PLEKHG3: variants seen among roughly 807,000 people sequenced by gnomAD.
PLEKHG3 encodes pleckstrin homology and RhoGEF domain containing G3.
Under a neutral mutation model 94.9 loss-of-function variants are expected in PLEKHG3, and 62 were observed. The observed-to-expected ratio is 0.65, with a 90% CI of 0.53 to 0.81. The LOEUF is 0.81. Ranked by LOEUF, PLEKHG3 falls within the 30% of genes least tolerant of loss-of-function variation. The pLI is 0.00. For synonymous variants in PLEKHG3, 614 were observed against 654.0 expected (o/e 0.94, Z 0.93); for missense variants, 1,461 against 1,619.3 (o/e 0.90, Z 1.68).
In PLEKHG3 at chr14:64,741,900, G is replaced by C; in HGVS notation, c.2383G>C (p.Ala795Pro). The stretch of plus-strand genomic sequence containing the variant: ...GTTTGAGCTCCCAGGACCAAGCCAG[G>C]CAGTCAAAGGGGACCCACCTCCCAT... Reference protein sequence around the residue: ...ALFELPGPSQAVKGDPPPISD... With the variant: ...ALFELPGPSQPVKGDPPPISD... Residue 795 changes from alanine (A) to proline (P), a missense_variant, in exon 16 of 17, where the codon GCA (alanine) becomes CCA (proline). Ala to Pro is a conservative substitution (Grantham distance 27). This residue lies in a region of PLEKHG3 where 1,201 missense variants were observed against 1,295.5 expected (regional missense o/e 0.93). Coordinates refer to ENST00000247226, the MANE Select transcript of PLEKHG3 (RefSeq NM_001308147.2). 6.2e-7 allele frequency: 1 copy of C among 1,602,284 alleles called. No homozygotes were observed. Among genetic ancestry groups the C allele is most frequent in the Non-Finnish European group, 8.5e-7 (1 of 1,175,030 alleles).
At chr14:64,735,933 T>C (rs1390561504) in intron 12 of PLEKHG3, among the ~76,000 whole-genome samples, 1 of 152,288 alleles carries the variant, frequency 6.6e-6, no homozygotes, top group Non-Finnish European at 1.5e-5. Flanking sequence ...CTTTTCACTT[T>C]AAAAACAATT....
chr14:64,747,988 T>G lies in PLEKHG3; in HGVS notation c.*4285T>G, dbSNP rs1266239499. ...TTCCTGGGGACGTTGGTTGCAGAGCTTCTGGTGCTCAGGGCTGGAGGGTGG... is the reference window on the plus strand; with the variant it reads ...TTCCTGGGGACGTTGGTTGCAGAGCGTCTGGTGCTCAGGGCTGGAGGGTGG... On this transcript the variant is annotated 3_prime_UTR_variant, in exon 17 of 17. Transcript: ENST00000247226. 6.6e-6 allele frequency: 1 copy of G among 152,108 alleles called. No individual in the cohort carries two copies. The highest frequency in any genetic ancestry group is 2.4e-5 in the African/African-American group (1 of 41,360). 9.4% of individuals were successfully genotyped at this position (152,108 alleles called of 1,614,324 possible).
Position 64,722,910 on chromosome 14 carries a change from G to GC in PLEKHG3, c.-39-4682dup, listed in dbSNP as rs1486711948. Among the ~76,000 whole-genome samples the GC allele has an allele frequency of 2.0e-5, 3 of 152,224 alleles. No homozygotes were observed. The highest frequency in any genetic ancestry group is 7.2e-5 in the African/African-American group (3 of 41,470). ...CGTAATCCTGTGGGATAGGGGAGGA[G>GC]CAGGGTCCCATTGCCTCAGTGACAG... On this transcript the variant is annotated intron_variant, in intron 1 of 16. Coordinates refer to ENST00000247226, the MANE Select transcript of PLEKHG3 (RefSeq NM_001308147.2). The surrounding 1 kb of genome is among the most constrained non-coding windows in gnomAD (Gnocchi z 4.3).
At chr14:64,737,014 C>CTATTG in intron 13 of PLEKHG3, 123 bp downstream of exon 13, 1 of 803,652 alleles carries the variant, frequency 1.2e-6, no homozygotes, top group East Asian at 2.5e-5. Flanking sequence ...GTAGAGGGAA[C>CTATTG]TCTGCCTCCA....
chr14:64,747,793 G>C lies in PLEKHG3; in HGVS notation c.*4090G>C, dbSNP rs1224201490. ...GTTTCCTTGGGGGAAAATGCCTGCT[G>C]CCCTCCGCCCTCCCCCCCACCCCCG... On this transcript the variant is annotated 3_prime_UTR_variant, in exon 17 of 17. Transcript: ENST00000247226. The C allele has an allele frequency of 6.6e-6, 1 of 151,576 alleles. No homozygotes were observed. The highest frequency in any genetic ancestry group is 1.5e-5 in the Non-Finnish European group (1 of 68,060). The allele number at this position is 151,576 out of a possible 1,614,324, so 9.4% of individuals were successfully genotyped here. A position where few individuals can be genotyped will look rare whatever the true frequency, so the allele number is the denominator to read the frequency against.
At chr14:64,709,276 T>A (rs1202888932) in intron 1 of PLEKHG3, among the ~76,000 whole-genome samples, 4 of 152,218 alleles carry the variant, frequency 2.6e-5, no homozygotes, top group African/African-American at 9.6e-5. Context: ...ACAGCTTTTG[T>A]TCCATGGGAT....
Position 64,731,428 on chromosome 14 carries a change from A to G in PLEKHG3, c.917A>G (p.Glu306Gly), listed in dbSNP as rs2081461059. Residue 306 changes from glutamate to glycine, a missense_variant, in exon 8 of 17, where the codon GAG becomes GGG. By Grantham distance (98) the Glu-to-Gly change is moderately conservative. This residue lies in a region of PLEKHG3 where 1,201 missense variants were observed against 1,295.5 expected (regional missense o/e 0.93). Transcript: ENST00000247226. The surrounding 1 kb of genome is among the most constrained non-coding windows in gnomAD (Gnocchi z 6.1). ...ACCACCTACGGGGAGCTTGTCCTGG[A>G]GGGCACATTCCGCGTGCATCGCGTG... ...DLTTYGELVL[E>G]GTFRVHRVRN... 6.2e-7 allele frequency: 1 copy of G among 1,613,802 alleles called. No individual in the cohort carries two copies. The highest frequency in any genetic ancestry group is 1.3e-5 in the African/African-American group (1 of 74,892).
chr14:64,730,545 C>CAGAG lies in PLEKHG3; in HGVS notation c.520-96_520-93dup. 6 of 998,670 alleles carry CAGAG rather than the reference C, an allele frequency of 6.0e-6. No individual in the cohort carries two copies. Among genetic ancestry groups the CAGAG allele is most frequent in the Non-Finnish European group, 7.9e-6 (5 of 635,594 alleles). The allele number at this position is 998,670 out of a possible 1,614,324, so 61.9% of individuals were successfully genotyped here. A position where few individuals can be genotyped will look rare whatever the true frequency, so the allele number is the denominator to read the frequency against. ...TCTGTAGGCATTTGGGAACAGGGGA[C>CAGAG]AGAGGGTGCTCTGGGGGCCAGGGGC... On this transcript the variant is annotated intron_variant, in intron 4 of 16. Coordinates refer to ENST00000247226, the MANE Select transcript of PLEKHG3 (RefSeq NM_001308147.2). This position sits in a 1 kb window ranked among gnomAD's most constrained non-coding sequence, Gnocchi z 5.4.
chr14:64,713,299 C>T (rs1202606379), intron 1 of PLEKHG3, among the ~76,000 whole-genome samples: 1 of 152,096 alleles, frequency 6.6e-6, no homozygotes, highest in East Asian at 1.9e-4. Flanking sequence ...CAGGGTAATA[C>T]TGGCCTCATA....
At position 64,715,765 on chromosome 14, in the gene PLEKHG3, C is replaced by A; in HGVS notation, c.-40+11061C>A. ...GTCCTCAGCCCTGTGGCGCTCACCT[C>A]CCAGGGCTGTGGCCTGGGTCCCTAC... On this transcript the variant is annotated intron_variant, in intron 1 of 16. Transcript: ENST00000247226. This position sits in a 1 kb window ranked among gnomAD's most constrained non-coding sequence, Gnocchi z 4.4. 3.0e-6 allele frequency: 1 copy of A among 332,790 alleles called. No individual in the cohort carries two copies. Among genetic ancestry groups the A allele is most frequent in the South Asian group, 2.2e-5 (1 of 45,838 alleles). 20.6% of individuals were successfully genotyped at this position (332,790 alleles called of 1,614,324 possible).
In PLEKHG3 at chr14:64,721,549, A is replaced by G. The variant is rs1055956717; in HGVS notation, c.-39-6044A>G. Among the ~76,000 whole-genome samples, 2 of 152,144 alleles carry G rather than the reference A, an allele frequency of 1.3e-5. No individual in the cohort carries two copies. Among genetic ancestry groups the G allele is most frequent in the Non-Finnish European group, 2.9e-5 (2 of 68,016 alleles). On this transcript the variant is annotated intron_variant, in intron 1 of 16. Transcript: ENST00000247226. The surrounding 1 kb of genome is among the most constrained non-coding windows in gnomAD (Gnocchi z 4.3). ...GAAAATGCATTCCTGAGGGAAAATG[A>G]ATTTGAACCAGCTGGGCTGGGTTTG... is the stretch of plus-strand genomic sequence containing the variant.
At chr14:64,712,586 A>G (rs941221141) in intron 1 of PLEKHG3, among the ~76,000 whole-genome samples, 1 of 152,194 alleles carries the variant, frequency 6.6e-6, no homozygotes, top group African/African-American at 2.4e-5. Context: ...GCTATTATAA[A>G]TGGGAGTCTT....
In PLEKHG3 at chr14:64,730,706, G is replaced by C. The variant is rs187316739; in HGVS notation, c.566+18G>C. 234 of 1,612,986 alleles carry C rather than the reference G, an allele frequency of 1.5e-4. No homozygotes were observed. The African/African-American group carries it at 2.7e-3, about 19-fold the overall frequency. On this transcript the variant is annotated intron_variant, in intron 5 of 16. Coordinates refer to ENST00000247226, the MANE Select transcript of PLEKHG3 (RefSeq NM_001308147.2). This position sits in a 1 kb window ranked among gnomAD's most constrained non-coding sequence, Gnocchi z 5.4. The stretch of plus-strand genomic sequence containing the variant: ...TACCCCAAGTGAGTAATTGGGGTGA[G>C]AGGGAAGGCAGAGCCATTTGGTGAG...
At position 64,750,188 on chromosome 14, in the gene PLEKHG3, C is replaced by A; in HGVS notation, c.*6485C>A. On this transcript the variant is annotated 3_prime_UTR_variant, in exon 17 of 17. Transcript: ENST00000247226. ...ATGCAGACAGGCAGGTCACCCACAT[C>A]CTGATATGGTATCTCTAGAGTCAAT... 6.2e-7 allele frequency: 1 copy of A among 1,604,942 alleles called. No individual in the cohort carries two copies. Among genetic ancestry groups the A allele is most frequent in the Non-Finnish European group, 8.5e-7 (1 of 1,173,148 alleles).
Position 64,706,286 on chromosome 14 carries a change from T to G in PLEKHG3, c.-40+1582T>G, listed in dbSNP as rs538554059. On this transcript the variant is annotated intron_variant, in intron 1 of 16. Transcript: ENST00000247226. Reference sequence around the variant, plus strand: ...TGGATTAGCCTACTTCATTTACTCGTGAAGGCAGCAGAGCCCAGAGGGGTG... The same window carrying G: ...TGGATTAGCCTACTTCATTTACTCGGGAAGGCAGCAGAGCCCAGAGGGGTG... Among the ~76,000 whole-genome samples, 15 of 152,312 alleles carry G rather than the reference T, an allele frequency of 9.8e-5. No homozygotes were observed. In the East Asian group the frequency reaches 2.9e-3, roughly 29 times the overall value.
chr14:64,738,158 C>CCTGCTGGCCGCCCTCCA lies in PLEKHG3; in HGVS notation c.1405-575_1405-559dup. Reference sequence around the variant, plus strand: ...AGCAGGTAGCCGACTTTGCCAGCTCCCTGCTGGCCGCCCTCCACTGCTGGC... The same window carrying CCTGCTGGCCGCCCTCCA: ...AGCAGGTAGCCGACTTTGCCAGCTCCCTGCTGGCCGCCCTCCACTGCTGGCCGCCCTCCACTGCTGGC... On this transcript the variant is annotated intron_variant, in intron 14 of 16. Transcript: ENST00000247226. The surrounding 1 kb of genome is among the most constrained non-coding windows in gnomAD (Gnocchi z 4.8). 5 of 1,293,832 alleles carry CCTGCTGGCCGCCCTCCA rather than the reference C, an allele frequency of 3.9e-6. No individual in the cohort carries two copies. The highest frequency in any genetic ancestry group is 5.0e-6 in the Non-Finnish European group (5 of 991,514). 80.1% of individuals were successfully genotyped at this position (1,293,832 alleles called of 1,614,324 possible).
In PLEKHG3 at chr14:64,731,561, C is replaced by T. The variant is rs1381793569; in HGVS notation, c.1032+18C>T. 1.2e-6 allele frequency: 2 copies of T among 1,611,458 alleles called. No individual in the cohort carries two copies. The highest frequency in any genetic ancestry group is 2.2e-5 in the East Asian group (1 of 44,844). ...ACATCCCGGTAACCAGGCCCTGCCC[C>T]ATCTCCTCTGCCATCTTCTCTCCTT... On this transcript the variant is annotated intron_variant, in intron 8 of 16. Transcript: ENST00000247226. The surrounding 1 kb of genome is among the most constrained non-coding windows in gnomAD (Gnocchi z 6.1).
rs758214804 is a variant in PLEKHG3, at chr14:64,730,738, GC to G, written c.567-55del. 2 of 1,612,208 alleles carry G rather than the reference GC, an allele frequency of 1.2e-6. No homozygotes were observed. The highest frequency in any genetic ancestry group is 2.2e-5 in the East Asian group (1 of 44,862). On this transcript the variant is annotated intron_variant, in intron 5 of 16. Coordinates refer to ENST00000247226, the MANE Select transcript of PLEKHG3 (RefSeq NM_001308147.2). The surrounding 1 kb of genome is among the most constrained non-coding windows in gnomAD (Gnocchi z 5.4). Reference sequence around the variant, plus strand: ...GGCAGAGCCATTTGGTGAGTCCAGAGCCCCCCACTTCCTCATCCAGGCCTTC... The same window carrying G: ...GGCAGAGCCATTTGGTGAGTCCAGAGCCCCCACTTCCTCATCCAGGCCTTC...
In PLEKHG3 at chr14:64,750,160, A is replaced by T; in HGVS notation, c.*6457A>T. 1 of 1,609,942 alleles carries T rather than the reference A, an allele frequency of 6.2e-7. No individual in the cohort carries two copies. The highest frequency in any genetic ancestry group is 8.5e-7 in the Non-Finnish European group (1 of 1,176,546). On this transcript the variant is annotated 3_prime_UTR_variant, in exon 17 of 17. Transcript: ENST00000247226. ...AGTACAGGTTGTTCCAGGACCTGCA[A>T]AGATGCAGACAGGCAGGTCACCCAC... is the stretch of plus-strand genomic sequence containing the variant.
Sources: gnomAD v4.1 joint callset for allele counts (sites outside exome capture counted in the v4.1 genomes callset) on GRCh38, gnomAD v4.1.1 for gene constraint, gnomAD v4.1.1 regional missense constraint, Gnocchi (gnomAD v3.1) non-coding constraint, MANE v1.5 for transcripts, NCBI Gene and HGNC (gene_info 2026-07-23, HGNC 2026-07-21) for gene names.